Variants in SPOCK3 observed in about 807,000 individuals in gnomAD.
SPOCK3 encodes SPARC (osteonectin), cwcv and kazal like domains proteoglycan 3.
SPOCK3 carries 30 observed loss-of-function variants against 56.6 expected under a neutral mutation model. The ratio of observed to expected loss-of-function variants is 0.53; its 90% CI spans 0.40 to 0.72. The LOEUF is 0.72. Ranked by LOEUF, SPOCK3 falls within the 30% of genes least tolerant of loss-of-function variation. The pLI is 0.00. For missense variants in SPOCK3, 527 were observed against 530.0 expected (o/e 0.99, Z 0.06); for synonymous variants, 196 against 183.3 (o/e 1.07, Z -0.56).
At chr4:167,000,205 T>A in intron 4 of SPOCK3, 144 bp downstream of exon 4, 1 of 449,586 alleles carries the variant, frequency 2.2e-6, no homozygotes, top group Non-Finnish European at 3.9e-6. Flanking sequence ...AAGTGAATCA[T>A]AATTGTATTA....
At chr4:167,091,513 G>A (rs1758699741) in intron 2 of SPOCK3, among the ~76,000 whole-genome samples, 1 of 152,010 alleles carries the variant, frequency 6.6e-6, no homozygotes, top group South Asian at 2.1e-4. Flanking sequence ...ATTATATATT[G>A]ATATTTAAAT....
At chr4:166,876,001 G>A (rs981048134) in intron 6 of SPOCK3, among the ~76,000 whole-genome samples, 6 of 152,302 alleles carry the variant, frequency 3.9e-5, no homozygotes, top group Admixed American at 6.5e-5. Flanking sequence ...GTGGAAGGCG[G>A]AGCACACAGA....
At chr4:166,889,620 G>GT (rs1734556368) in intron 5 of SPOCK3, among the ~76,000 whole-genome samples, 1 of 151,882 alleles carries the variant, frequency 6.6e-6, no homozygotes, top group African/African-American at 2.4e-5. Flanking sequence ...TATAATCTCG[G>GT]TTTTTGGTTA....
intron 2 of SPOCK3, among the ~76,000 whole-genome samples, chr4:167,208,761 G>A (rs1464491030): frequency 3.3e-5 from 5 of 152,034 alleles, no homozygotes; most frequent in African/African-American, 4.8e-5. Context: ...AATTTAGCAT[G>A]ATTTTATCTG....
chr4:167,170,699 GT>G lies in SPOCK3; in HGVS notation c.189+63285del, dbSNP rs879446617. 2.6e-5 allele frequency among the ~76,000 whole-genome samples: 4 copies of G among 152,216 alleles called. 1 individual carries two copies. Among genetic ancestry groups the G allele is most frequent in the African/African-American group, 9.6e-5 (4 of 41,556 alleles). On this transcript the variant is annotated intron_variant, in intron 2 of 10. Coordinates refer to ENST00000357545, the MANE Select transcript of SPOCK3 (RefSeq NM_001040159.2). The stretch of plus-strand genomic sequence containing the variant: ...GATTTAAGCTGTTAGTCTCTATCAA[GT>G]TTTTAAGTTTACCTTTTCTTAAGAA...
At chr4:167,070,037 G>A (rs769992924) in intron 2 of SPOCK3, among the ~76,000 whole-genome samples, 5 of 151,928 alleles carry the variant, frequency 3.3e-5, no homozygotes, top group South Asian at 2.1e-4. Context: ...ATTAAGTCTC[G>A]CTTGAAAGCA....
At chr4:166,935,907 T>TA (rs1740349306) in intron 4 of SPOCK3, among the ~76,000 whole-genome samples, 1 of 152,154 alleles carries the variant, frequency 6.6e-6, no homozygotes, top group South Asian at 2.1e-4. Flanking sequence ...TGGTATATAA[T>TA]AAAAAATGAT....
chr4:167,099,186 T>C (rs2150321796), intron 2 of SPOCK3, among the ~76,000 whole-genome samples: 1 of 152,100 alleles, frequency 6.6e-6, no homozygotes, highest in East Asian at 1.9e-4. Flanking sequence ...TATACAATTA[T>C]ATTTGTGAAT....
At chr4:166,816,128 T>C (rs2126742555) in intron 6 of SPOCK3, among the ~76,000 whole-genome samples, 1 of 152,186 alleles carries the variant, frequency 6.6e-6, no homozygotes, top group East Asian at 1.9e-4. Flanking sequence ...TTGCAGTTCG[T>C]TTTGTCCTTT....
chr4:167,059,733 G>A (rs911160797), intron 3 of SPOCK3, among the ~76,000 whole-genome samples: 4 of 152,080 alleles, frequency 2.6e-5, no homozygotes, highest in African/African-American at 9.7e-5. Context: ...TTCACAATAT[G>A]AAAGACTTGG....
At chr4:167,037,703 G>T (rs1311567171) in intron 3 of SPOCK3, among the ~76,000 whole-genome samples, 1 of 152,140 alleles carries the variant, frequency 6.6e-6, no homozygotes, top group African/African-American at 2.4e-5. Context: ...AAACAAAGAA[G>T]TCACTATAGA....
chr4:167,055,374 C>T (rs953554243), intron 3 of SPOCK3, among the ~76,000 whole-genome samples: 6 of 152,136 alleles, frequency 3.9e-5, no homozygotes, highest in African/African-American at 7.2e-5. Context: ...GCGTGAGCAA[C>T]GCAGAAGATG....
At chr4:167,210,193 G>A (rs1223535483) in intron 2 of SPOCK3, among the ~76,000 whole-genome samples, 4 of 152,060 alleles carry the variant, frequency 2.6e-5, no homozygotes, top group South Asian at 2.1e-4. Flanking sequence ...AACATGCCAC[G>A]TACTTTTATA....
chr4:167,214,972 T>C (rs1216027027), intron 2 of SPOCK3, among the ~76,000 whole-genome samples: 2 of 150,902 alleles, frequency 1.3e-5, no homozygotes, highest in African/African-American at 4.9e-5. Flanking sequence ...TATACATATA[T>C]ATATTTACTG....
intron 7 of SPOCK3, among the ~76,000 whole-genome samples, chr4:166,784,553 G>A (rs1740534241): frequency 6.6e-6 from 1 of 151,988 alleles, no homozygotes; most frequent in African/African-American, 2.4e-5. Flanking sequence ...TTTATTACTT[G>A]AAATAAGAAA....
chr4:166,735,159 C>T (rs961873903), intron 10 of SPOCK3, 69 bp from the exon 11 acceptor site: 2 of 918,502 alleles, frequency 2.2e-6, no homozygotes, highest in Non-Finnish European at 3.3e-6. Flanking sequence ...AAGATAAAAT[C>T]CTTATAAAAA....
chr4:167,005,117 C>T (rs1178266502), intron 3 of SPOCK3, among the ~76,000 whole-genome samples: 2 of 152,120 alleles, frequency 1.3e-5, no homozygotes, highest in African/African-American at 4.8e-5. Context: ...CTTCCCACAG[C>T]ACATTTTTGG....
intron 2 of SPOCK3, among the ~76,000 whole-genome samples, chr4:167,091,914 G>A (rs779474606): frequency 1.2e-4 from 18 of 152,054 alleles, no homozygotes; most frequent in African/African-American, 4.3e-4. Flanking sequence ...GTGAAAAAAT[G>A]GATATTATGA....
intron 6 of SPOCK3, among the ~76,000 whole-genome samples, chr4:166,808,661 T>C (rs895343490): frequency 1.3e-5 from 2 of 152,126 alleles, no homozygotes; most frequent in African/African-American, 4.8e-5. Flanking sequence ...ACTAATATAC[T>C]TCCTGAAAGC....
Sources: allele counts gnomAD v4.1 joint callset (sites outside exome capture counted in the v4.1 genomes callset), GRCh38; gene constraint gnomAD v4.1.1; transcripts MANE v1.5; gene names NCBI Gene and HGNC (gene_info 2026-07-23, HGNC 2026-07-21).